Variants in XRCC4 observed in about 807,000 individuals in gnomAD.
The protein encoded by XRCC4 is DNA repair protein XRCC4.
A neutral mutation model predicts 39.1 loss-of-function variants in XRCC4; 28 were observed. That is an observed-to-expected ratio of 0.72 (90% CI 0.53 to 0.98). The LOEUF is 0.98. Among genes scored for constraint, XRCC4 ranks in the 50% least tolerant of loss-of-function variants. The pLI is 0.00. For missense variants in XRCC4, 350 were observed against 376.4 expected, an observed-to-expected ratio of 0.93 and a Z score of 0.58; for synonymous variants, 123 against 126.4, an observed-to-expected ratio of 0.97 and a Z score of 0.18.
chr5:83,281,559 G>C (rs1332147605), intron 7 of XRCC4, among the ~76,000 whole-genome samples: 1 of 151,384 alleles, frequency 6.6e-6, no homozygotes, highest in African/African-American at 2.4e-5. Flanking sequence ...ACCTTTTATG[G>C]CTTTGGAAAC....
intron 1 of XRCC4, among the ~76,000 whole-genome samples, chr5:83,092,771 G>C (rs749588730): frequency 5.1e-4 from 77 of 151,928 alleles, no homozygotes; most frequent in Non-Finnish European, 9.0e-4. Context: ...ATCTGTAGGA[G>C]ATTCACAAAA....
chr5:83,253,309 A>G (rs1403122537), intron 6 of XRCC4, among the ~76,000 whole-genome samples: 1 of 152,138 alleles, frequency 6.6e-6, no homozygotes, highest in African/African-American at 2.4e-5. Flanking sequence ...TTAGGACTTT[A>G]TTTTGTAGGC....
intron 7 of XRCC4, among the ~76,000 whole-genome samples, chr5:83,278,967 C>T (rs1754435264): frequency 6.9e-6 from 1 of 143,960 alleles, no homozygotes; most frequent in African/African-American, 2.6e-5. Context: ...CACCACTCCA[C>T]TCCAGCCTGG....
intron 7 of XRCC4, among the ~76,000 whole-genome samples, chr5:83,294,957 A>G (rs1036273103): frequency 1.3e-5 from 2 of 152,088 alleles, no homozygotes; most frequent in Non-Finnish European, 2.9e-5. Flanking sequence ...CAAAATTAGT[A>G]GACAAATAAT....
intron 3 of XRCC4, among the ~76,000 whole-genome samples, chr5:83,127,467 G>A (rs564386264): frequency 7.9e-5 from 12 of 152,042 alleles, no homozygotes; most frequent in African/African-American, 2.7e-4. Context: ...CTTGCCTGCC[G>A]CCATGTAAGA....
At chr5:83,149,322 T>C (rs1748601296) in intron 3 of XRCC4, among the ~76,000 whole-genome samples, 1 of 152,130 alleles carries the variant, frequency 6.6e-6, no homozygotes, top group Admixed American at 6.5e-5. Context: ...CTGAATGACA[T>C]TGAAGTGTGT....
At chr5:83,305,049 A>G (rs1755430007) in intron 7 of XRCC4, among the ~76,000 whole-genome samples, 1 of 152,122 alleles carries the variant, frequency 6.6e-6, no homozygotes, top group Admixed American at 6.6e-5. Flanking sequence ...TCAGGTAAGA[A>G]CTCTTATGTT....
At chr5:83,200,114 G>A (rs1751122163) in intron 4 of XRCC4, among the ~76,000 whole-genome samples, 1 of 152,154 alleles carries the variant, frequency 6.6e-6, no homozygotes, top group Non-Finnish European at 1.5e-5. Flanking sequence ...GGAATGCATA[G>A]TAACATCATA....
chr5:83,111,512 G>A (rs575171540), intron 3 of XRCC4, among the ~76,000 whole-genome samples: 7 of 152,074 alleles, frequency 4.6e-5, no homozygotes, highest in East Asian at 1.9e-4. Context: ...TTAGGCCATC[G>A]TGACAGGTCT....
rs770697764 is a variant in XRCC4, at chr5:83,353,227, C to T, written c.990C>T (p.Leu330=). 2 of 1,608,154 alleles carry T rather than the reference C, an allele frequency of 1.2e-6. No homozygotes were observed. The highest frequency in any genetic ancestry group is 8.5e-7 in the Non-Finnish European group (1 of 1,177,140). Reference sequence around the variant, plus strand: ...TGAGAAACAGCAGCCCAGAAGACCTCTTTGATGAGATTTAACAGTCTCAAA... The same window carrying T: ...TGAGAAACAGCAGCCCAGAAGACCTTTTTGATGAGATTTAACAGTCTCAAA... ...ETLRNSSPED[L]FDEI The change falls in exon 8 of 8, where the codon CTC becomes CTT. Residue 330 remains leucine, a synonymous_variant. Transcript: ENST00000396027.
chr5:83,188,891 A>G (rs1750571890), intron 3 of XRCC4, among the ~76,000 whole-genome samples: 2 of 152,248 alleles, frequency 1.3e-5, no homozygotes, highest in African/African-American at 4.8e-5. Flanking sequence ...CTGAAAAGAT[A>G]TGCCTAGAGA....
rs182712551 is a variant in XRCC4, at chr5:83,110,408, T to C, written c.140-620T>C. Among the ~76,000 whole-genome samples the C allele has an allele frequency of 8.5e-4, 130 of 152,126 alleles. No homozygotes were observed. In the Middle Eastern group the frequency reaches 0.01, roughly 12 times the overall value. ...ATAATTATTGAAACAAAAATCTCAA[T>C]GATAGTAAAACATCAGCTTTAAAAA... On this transcript the variant is annotated intron_variant, in intron 2 of 7. Coordinates refer to ENST00000396027, the MANE Select transcript of XRCC4 (RefSeq NM_003401.5).
chr5:83,212,091 CACAT>C (rs908857372), intron 6 of XRCC4, among the ~76,000 whole-genome samples: 1 of 151,674 alleles, frequency 6.6e-6, no homozygotes, highest in Non-Finnish European at 1.5e-5. Flanking sequence ...CACACATACA[CACAT>C]ATGTATGTTT....
chr5:83,308,051 T>TGGAG (rs1359375671), intron 7 of XRCC4, among the ~76,000 whole-genome samples: 4 of 152,332 alleles, frequency 2.6e-5, no homozygotes, highest in South Asian at 4.1e-4. Flanking sequence ...AAATGTATTT[T>TGGAG]GGAGGACCAA....
chr5:83,101,345 A>G (rs921787246), intron 1 of XRCC4, among the ~76,000 whole-genome samples: 2 of 152,132 alleles, frequency 1.3e-5, no homozygotes, highest in African/African-American at 4.8e-5. Flanking sequence ...TAGAACAAAT[A>G]TAGGTATTTG....
At chr5:83,269,402 T>G (rs1170825229) in intron 7 of XRCC4, among the ~76,000 whole-genome samples, 1 of 150,718 alleles carries the variant, frequency 6.6e-6, no homozygotes, top group Admixed American at 6.7e-5. Context: ...CAGTACAATG[T>G]GATAATGAGG....
chr5:83,168,993 C>T (rs1221621869), intron 3 of XRCC4, among the ~76,000 whole-genome samples: 2 of 152,082 alleles, frequency 1.3e-5, no homozygotes, highest in Non-Finnish European at 2.9e-5. Context: ...ATACAATTGA[C>T]TCTTGCAGCA....
At chr5:83,360,765 C>T in the XRCC4 span, among the ~76,000 whole-genome samples, 1 of 151,536 alleles carries the variant, frequency 6.6e-6, no homozygotes, top group Non-Finnish European at 1.5e-5. Flanking sequence ...TTAGAAGAGC[C>T]GTCCAGCTGA....
chr5:83,241,941 T>G (rs1752924859), intron 6 of XRCC4, among the ~76,000 whole-genome samples: 4 of 137,752 alleles, frequency 2.9e-5, no homozygotes, highest in African/African-American at 9.0e-5. Flanking sequence ...TGAGGAAGAG[T>G]GGGAGGAGGA....
Sources: allele counts gnomAD v4.1 joint callset (sites outside exome capture counted in the v4.1 genomes callset), GRCh38; gene constraint gnomAD v4.1.1; transcripts MANE v1.5; gene names NCBI Gene and HGNC (gene_info 2026-07-23, HGNC 2026-07-21).